GRIP1: variants seen among roughly 807,000 people sequenced by gnomAD.
GRIP1 encodes the protein glutamate receptor-interacting protein 1.
A neutral mutation model predicts 129.9 loss-of-function variants in GRIP1; 45 were observed. The ratio of observed to expected loss-of-function variants is 0.35; its 90% confidence interval spans 0.27 to 0.44. The LOEUF (loss-of-function observed/expected upper bound fraction) is 0.44, where lower values mean the gene tolerates loss of function less well. GRIP1 is among the 20% of genes least tolerant of loss of function. The pLI is 1.00. For synonymous variants in GRIP1, 530 were observed against 520.8 expected, an observed-to-expected ratio of 1.02 and a Z score of -0.24; for missense variants, 1,196 against 1,396.8, an observed-to-expected ratio of 0.86 and a Z score of 2.29.
intron 11 of GRIP1, among the ~76,000 whole-genome samples, chr12:66,449,524 G>T (rs1045961570): frequency 2.0e-5 from 3 of 152,154 alleles, no homozygotes; most frequent in Non-Finnish European, 2.9e-5. Context: ...CCTGCAGTGG[G>T]GGGTGAAGAT....
intron 1 of GRIP1, among the ~76,000 whole-genome samples, chr12:66,851,625 C>G (rs2137080129): frequency 6.6e-6 from 1 of 152,158 alleles, no homozygotes; most frequent in Admixed American, 6.6e-5. Flanking sequence ...GCCAACTTTA[C>G]CTCTCTGAAC....
chr12:67,021,037 G>T (rs1372510662), intron 1 of GRIP1, among the ~76,000 whole-genome samples: 1 of 152,044 alleles, frequency 6.6e-6, no homozygotes, highest in Non-Finnish European at 1.5e-5. Context: ...GTTCAAGGCT[G>T]CAGTGAGCTA....
At chr12:66,586,842 G>A (rs2063657168) in intron 2 of GRIP1, among the ~76,000 whole-genome samples, 1 of 152,170 alleles carries the variant, frequency 6.6e-6, no homozygotes, top group African/African-American at 2.4e-5. Flanking sequence ...GTGGCAGCCT[G>A]CTAACTGGTC....
chr12:66,364,868 A>G (rs2055040779), intron 23 of GRIP1, among the ~76,000 whole-genome samples: 1 of 152,004 alleles, frequency 6.6e-6, no homozygotes, highest in African/African-American at 2.4e-5. Context: ...TCCTTTAAAT[A>G]TTGAAGCCCA....
chr12:66,760,834 TGTTA>T (rs890709153), intron 1 of GRIP1, among the ~76,000 whole-genome samples: 6 of 152,188 alleles, frequency 3.9e-5, no homozygotes, highest in Admixed American at 3.3e-4. Flanking sequence ...CTTCAAATTC[TGTTA>T]GTTAGTATCT....
At chr12:66,531,758 C>A (rs2061469465) in intron 4 of GRIP1, among the ~76,000 whole-genome samples, 1 of 151,814 alleles carries the variant, frequency 6.6e-6, no homozygotes. Context: ...ATTTCCATGG[C>A]CCAACAAGCC....
intron 2 of GRIP1, chr12:66,568,957 G>A (rs2062860276): frequency 1.9e-6 from 1 of 518,852 alleles, no homozygotes; most frequent in African/African-American, 1.9e-5. Flanking sequence ...CCAGGGACTA[G>A]GTTGATACAC....
chr12:66,438,411 C>T (rs191813922), intron 13 of GRIP1, among the ~76,000 whole-genome samples: 4 of 152,158 alleles, frequency 2.6e-5, no homozygotes, highest in East Asian at 1.9e-4. Context: ...GGGATGATCT[C>T]GGCTCCTGAT....
intron 1 of GRIP1, among the ~76,000 whole-genome samples, chr12:67,041,279 T>C (rs1361073171): frequency 2.0e-5 from 3 of 152,114 alleles, no homozygotes; most frequent in African/African-American, 7.2e-5. Context: ...TATCCATATA[T>C]ACACACACAA....
At chr12:66,542,878 T>A (rs2061829697) in intron 2 of GRIP1, among the ~76,000 whole-genome samples, 1 of 152,150 alleles carries the variant, frequency 6.6e-6, no homozygotes, top group South Asian at 2.1e-4. Context: ...AAGTTACACA[T>A]TTCAGGGGTA....
chr12:66,825,754 T>C (rs1341720609), intron 1 of GRIP1, among the ~76,000 whole-genome samples: 1 of 152,164 alleles, frequency 6.6e-6, no homozygotes, highest in African/African-American at 2.4e-5. Flanking sequence ...AATAGCAAAG[T>C]TCTTCCTTTT....
chr12:66,867,492 G>T (rs571362252), intron 1 of GRIP1, among the ~76,000 whole-genome samples: 1 of 151,962 alleles, frequency 6.6e-6, no homozygotes, highest in Non-Finnish European at 1.5e-5. Flanking sequence ...TGTAGGCAAG[G>T]GTCCTACGAA....
chr12:66,799,532 T>C (rs1363537613), intron 1 of GRIP1, among the ~76,000 whole-genome samples: 1 of 152,126 alleles, frequency 6.6e-6, no homozygotes, highest in East Asian at 1.9e-4. Flanking sequence ...GGACAGCCTA[T>C]GAAATGTGCT....
rs116234102 is a variant in GRIP1, at chr12:66,916,360, C to T, written c.58+152690G>A. Among the ~76,000 whole-genome samples, 593 of 152,160 alleles carry T rather than the reference C, an allele frequency of 3.9e-3. 5 individuals carry two copies. The highest frequency in any genetic ancestry group is 0.014 in the African/African-American group (561 of 41,510). ...CTATCTGGAGAATTTGAGAGAAGAA[C>T]CTGGTGTTCATGCTCCCTTCCGCCC... On this transcript the variant is annotated intron_variant, in intron 1 of 1. Coordinates refer to the GRIP1 transcript ENST00000643019.
intron 20 of GRIP1, among the ~76,000 whole-genome samples, chr12:66,377,525 G>A (rs112175422): frequency 0.024 from 3,450 of 144,804 alleles, 150 homozygotes; most frequent in African/African-American, 0.082. Flanking sequence ...ATTTTTAGTC[G>A]AGACAGGGTT....
At chr12:66,926,518 A>C (rs2041298586) in intron 1 of GRIP1, among the ~76,000 whole-genome samples, 1 of 152,252 alleles carries the variant, frequency 6.6e-6, no homozygotes, top group South Asian at 2.1e-4. Flanking sequence ...GAAATGACAG[A>C]CCACTGCCCT....
chr12:66,953,460 C>T (rs1039368865), intron 1 of GRIP1, among the ~76,000 whole-genome samples: 8 of 152,190 alleles, frequency 5.3e-5, no homozygotes, highest in Non-Finnish European at 8.8e-5. Flanking sequence ...TGTCTCATCT[C>T]CATTTTAAGA....
intron 1 of GRIP1, among the ~76,000 whole-genome samples, chr12:66,913,970 AC>A (rs1299107242): frequency 1.3e-5 from 2 of 152,226 alleles, no homozygotes; most frequent in African/African-American, 4.8e-5. Flanking sequence ...CCCAATAATT[AC>A]TGCACCATGT....
Position 67,048,111 on chromosome 12 carries a change from T to C in GRIP1, c.58+20939A>G, listed in dbSNP as rs935325162. Among the ~76,000 whole-genome samples, 3 of 152,152 alleles carry C rather than the reference T, an allele frequency of 2.0e-5. 1 individual carries two copies. The highest frequency in any genetic ancestry group is 2.1e-4 in the South Asian group (1 of 4,812). ...TTCCTTGGGCCCACAGAACACACTGTTCTATTCCCTGCATGAGCTTCCTCT... is the reference window on the plus strand; with the variant it reads ...TTCCTTGGGCCCACAGAACACACTGCTCTATTCCCTGCATGAGCTTCCTCT... On this transcript the variant is annotated intron_variant, in intron 1 of 1. Coordinates refer to the GRIP1 transcript ENST00000643019.
Sources: gnomAD v4.1 joint callset for allele counts (sites outside exome capture counted in the v4.1 genomes callset) on GRCh38, gnomAD v4.1.1 for gene constraint, MANE v1.5 for transcripts, NCBI Gene and HGNC (gene_info 2026-07-23, HGNC 2026-07-21) for gene names.